RBM5: variants seen among roughly 807,000 people sequenced by gnomAD.
The protein encoded by RBM5 is RNA binding motif protein 5.
Under a neutral mutation model 124.6 loss-of-function variants are expected in RBM5, and 15 were observed. The observed-to-expected ratio is 0.12, with a 90% confidence interval of 0.08 to 0.19. RBM5 has a LOEUF of 0.19. Ranked by LOEUF, RBM5 falls within the 10% of genes least tolerant of loss-of-function variation. The pLI is 1.00. For synonymous variants in RBM5, 337 were observed against 361.2 expected (o/e 0.93, Z 0.76); for missense variants, 580 against 1,026.5 (o/e 0.57, Z 5.94).
chr3:50,116,092 C>A, intron 22 of RBM5, 112 bp downstream of exon 22: 2 of 1,000,728 alleles, frequency 2.0e-6, no homozygotes, highest in Non-Finnish European at 3.1e-6. Context: ...ATTTGTCATA[C>A]CCTTGTCATC....
At chr3:50,099,895 T>C in intron 4 of RBM5, 87 bp from the exon 5 acceptor site, 2 of 1,180,904 alleles carry the variant, frequency 1.7e-6, no homozygotes, top group Non-Finnish European at 2.3e-6. Flanking sequence ...AAAACTTGGC[T>C]AATTAAACAG....
chr3:50,102,949 TGGC>T, intron 6 of RBM5, 131 bp from the exon 7 acceptor site: 1 of 691,582 alleles, frequency 1.4e-6, no homozygotes, highest in Non-Finnish European at 2.6e-6. Flanking sequence ...AGAGTATAGG[TGGC>T]GGTGGTTGGT....
chr3:50,093,972 A>G, intron 4 of RBM5, 97 bp downstream of exon 4: 1 of 1,403,934 alleles, frequency 7.1e-7, no homozygotes, highest in Non-Finnish European at 9.8e-7. Flanking sequence ...ATCTTAAGCC[A>G]ATAGAGGTTG....
intron 4 of RBM5, among the ~76,000 whole-genome samples, chr3:50,098,398 A>T (rs968636710): frequency 1.3e-5 from 2 of 151,784 alleles, no homozygotes. Flanking sequence ...CTCCCAGGTA[A>T]CTAGGACTAC....
At chr3:50,089,962 A>C (rs2090674950) in intron 1 of RBM5, 1 of 158,978 alleles carries the variant, frequency 6.3e-6, no homozygotes, top group South Asian at 1.7e-4. Flanking sequence ...AAGTGTTTGA[A>C]TTTCATGTTG....
rs1193573402 is a variant in RBM5, at chr3:50,104,675, G to A, written c.628+367G>A. ...AACAAAACAAAAATCTGACAAATAG[G>A]GTTGTTAACTGTGAGCCTGAGGAAA... is the stretch of plus-strand genomic sequence containing the variant. On this transcript the variant is annotated intron_variant, in intron 8 of 24. Coordinates refer to ENST00000347869, the MANE Select transcript of RBM5 (RefSeq NM_005778.4). The A allele has an allele frequency of 1.9e-5, 5 of 263,148 alleles. No homozygotes were observed. In the East Asian group the frequency reaches 3.7e-4, roughly 20 times the overall value. The allele number at this position is 263,148 out of a possible 1,614,324, so 16.3% of individuals were successfully genotyped here. A position where few individuals can be genotyped will look rare whatever the true frequency, so the allele number is the denominator to read the frequency against.
chr3:50,116,003 A>G, intron 22 of RBM5, 23 bp downstream of exon 22: 3 of 1,588,270 alleles, frequency 1.9e-6, no homozygotes, highest in Non-Finnish European at 2.6e-6. Flanking sequence ...CTGTGCCACA[A>G]GGAAGAGGAT....
At chr3:50,112,424 A>T (rs2091163403) in intron 17 of RBM5, among the ~76,000 whole-genome samples, 1 of 32,626 alleles carries the variant, frequency 3.1e-5, no homozygotes, top group South Asian at 4.1e-3. Context: ...TAAAAAAAAA[A>T]AAAAAAAAAA....
At chr3:50,109,477 G>T (rs2091103193) in intron 14 of RBM5, 126 bp from the exon 15 acceptor site, 1 of 726,740 alleles carries the variant, frequency 1.4e-6, no homozygotes, top group Non-Finnish European at 2.4e-6. Context: ...GTACTTAGTG[G>T]AAGTTAGCTT....
chr3:50,091,803 T>G, intron 2 of RBM5, among the ~76,000 whole-genome samples: 1 of 152,226 alleles, frequency 6.6e-6, no homozygotes, highest in East Asian at 1.9e-4. Context: ...TTAGAAATAT[T>G]CAACCCAAAT....
rs919097374 is a variant in RBM5, at chr3:50,104,414, G to T, written c.628+106G>T. The T allele has an allele frequency of 2.8e-6, 3 of 1,084,764 alleles. No homozygotes were observed. The South Asian group carries it at 3.9e-5, about 14-fold the overall frequency. 67.2% of individuals were successfully genotyped at this position (1,084,764 alleles called of 1,614,324 possible). A position where few individuals can be genotyped will look rare whatever the true frequency, so the allele number is the denominator to read the frequency against. On this transcript the variant is annotated intron_variant, in intron 8 of 24. Transcript: ENST00000347869. ...CCACTTTGCAAGGCCAAGGTGGGAA[G>T]ATCACTTGAGGACAGGAGTTCAATA...
intron 6 of RBM5, chr3:50,101,815 A>G (rs2090945624): frequency 6.6e-6 from 1 of 152,258 alleles, no homozygotes; most frequent in African/African-American, 2.4e-5. Context: ...AATTCACTCC[A>G]GAAATAAAAG....
chr3:50,109,586 C>G lies in RBM5; in HGVS notation c.1193-17C>G. The G allele has an allele frequency of 6.2e-7, 1 of 1,609,710 alleles. No individual in the cohort carries two copies. The highest frequency in any genetic ancestry group is 1.7e-4 in the Middle Eastern group (1 of 6,054). The stretch of plus-strand genomic sequence containing the variant: ...TTCAGTGCCTTGGCTTTCCCTAACA[C>G]TTGTGTTTATCATCAGGCACAGCAG... On this transcript the variant is annotated splice_polypyrimidine_tract_variant and intron_variant, in intron 14 of 24. Coordinates refer to ENST00000347869, the MANE Select transcript of RBM5 (RefSeq NM_005778.4).
intron 9 of RBM5, 123 bp downstream of exon 9, chr3:50,105,265 G>T: frequency 1.2e-6 from 1 of 810,312 alleles, no homozygotes. Flanking sequence ...AAAATTAGCT[G>T]GGTGTGGTGG....
chr3:50,114,132 G>A (rs1418129540), intron 19 of RBM5, 33 bp downstream of exon 19: 2 of 1,613,970 alleles, frequency 1.2e-6, no homozygotes, highest in East Asian at 2.2e-5. Flanking sequence ...TGTCATGATG[G>A]GAACTTACCT....
chr3:50,100,363 T>C lies in RBM5; in HGVS notation c.410-169T>C. On this transcript the variant is annotated intron_variant, in intron 5 of 24. Coordinates refer to ENST00000347869, the MANE Select transcript of RBM5 (RefSeq NM_005778.4). The surrounding 1 kb of genome is among the most constrained non-coding windows in gnomAD (Gnocchi z 5.1). ...GTGGCATTTAGTTCAGGCGGCTTGT[T>C]CCTTGCCATGGCAAAGTATCAAGAA... 1.6e-6 allele frequency: 1 copy of C among 608,816 alleles called. No homozygotes were observed. The highest frequency in any genetic ancestry group is 2.8e-6 in the Non-Finnish European group (1 of 351,594). 37.7% of individuals were successfully genotyped at this position (608,816 alleles called of 1,614,324 possible). A position where few individuals can be genotyped will look rare whatever the true frequency, so the allele number is the denominator to read the frequency against.
intron 3 of RBM5, among the ~76,000 whole-genome samples, chr3:50,092,427 G>T (rs988027440): frequency 6.6e-6 from 1 of 151,994 alleles, no homozygotes; most frequent in Non-Finnish European, 1.5e-5. Context: ...TGAGTGGGGT[G>T]GTGGGCGCCT....
intron 17 of RBM5, among the ~76,000 whole-genome samples, chr3:50,112,414 TAAAAAAAAAAAAAAAAA>T (rs58011975): frequency 3.4e-5 from 3 of 88,226 alleles, no homozygotes; most frequent in Admixed American, 1.2e-4. Flanking sequence ...AGACTCTGTC[TAAAAAAAAAAAAAAAAA>T]AAAAAAAAAA....
At position 50,098,502 on chromosome 3, in the gene RBM5, G is replaced by A. The variant is rs146226951; in HGVS notation, c.340-1480G>A. On this transcript the variant is annotated intron_variant, in intron 4 of 24. Coordinates refer to ENST00000347869, the MANE Select transcript of RBM5 (RefSeq NM_005778.4). ...CTCTTGCCCAGGCTGGAGTGCAGTGGCGCGATCTCGGCTCACTGCAACCTC... is the reference window on the plus strand; with the variant it reads ...CTCTTGCCCAGGCTGGAGTGCAGTGACGCGATCTCGGCTCACTGCAACCTC... Among the ~76,000 whole-genome samples, 1,374 of 152,006 alleles carry A rather than the reference G, an allele frequency of 9.0e-3. 32 individuals carry two copies. Among genetic ancestry groups the A allele is most frequent in the African/African-American group, 0.031 (1,277 of 41,454 alleles).
Sources: allele counts gnomAD v4.1 joint callset (sites outside exome capture counted in the v4.1 genomes callset), GRCh38; gene constraint gnomAD v4.1.1; non-coding constraint Gnocchi (gnomAD v3.1); transcripts MANE v1.5; gene names NCBI Gene and HGNC (gene_info 2026-07-23, HGNC 2026-07-21).